Variants in NAALADL2 observed in about 807,000 individuals in gnomAD.
The protein encoded by NAALADL2 is N-acetylated alpha-linked acidic dipeptidase like 2, also known as inactive N-acetylated-alpha-linked acidic dipeptidase-like protein 2.
Under a neutral mutation model 87.2 loss-of-function variants are expected in NAALADL2, and 76 were observed. The observed-to-expected ratio is 0.87, with a 90% CI of 0.72 to 1.05. NAALADL2 has a LOEUF of 1.05. Ranked by LOEUF, NAALADL2 falls within the 50% of genes least tolerant of loss-of-function variation. NAALADL2 has a pLI of 0.00. For missense variants in NAALADL2, 1,089 were observed against 945.8 expected (o/e 1.15, Z -1.99); for synonymous variants, 354 against 331.0 (o/e 1.07, Z -0.75).
chr3:175,362,195 C>G lies in NAALADL2; in HGVS notation c.1090+37870C>G, dbSNP rs1234751030. 1.4e-5 allele frequency among the ~76,000 whole-genome samples: 2 copies of G among 147,938 alleles called. 1 individual carries two copies. The highest frequency in any genetic ancestry group is 4.9e-5 in the African/African-American group (2 of 40,750). ...TGGTTGTAGATGTGTGGTATTATTT[C>G]TGAGGGCTCTGTTCTGTTCCATTGG... is the stretch of plus-strand genomic sequence containing the variant. On this transcript the variant is annotated intron_variant, in intron 5 of 13. Transcript: ENST00000454872.
At chr3:174,732,573 TCA>T (rs1732808548) in intron 2 of NAALADL2, among the ~76,000 whole-genome samples, 1 of 152,152 alleles carries the variant, frequency 6.6e-6, no homozygotes, top group African/African-American at 2.4e-5. Context: ...TTCAAGAGGC[TCA>T]GAGGTGGATC....
intron 5 of NAALADL2, among the ~76,000 whole-genome samples, chr3:175,425,187 T>C (rs531397124): frequency 3.8e-4 from 57 of 151,874 alleles, no homozygotes; most frequent in Non-Finnish European, 5.4e-4. Flanking sequence ...AGTAGAGGAG[T>C]AGAGGAGAAG....
At chr3:174,657,724 T>C (rs1725114593) in intron 2 of NAALADL2, among the ~76,000 whole-genome samples, 1 of 152,200 alleles carries the variant, frequency 6.6e-6, no homozygotes, top group Non-Finnish European at 1.5e-5. Flanking sequence ...TCCAACATTA[T>C]AGTATCTGTC....
At chr3:175,136,159 A>G (rs999559422) in intron 2 of NAALADL2, among the ~76,000 whole-genome samples, 3 of 152,154 alleles carry the variant, frequency 2.0e-5, no homozygotes, top group African/African-American at 7.2e-5. Context: ...CTGGTTTCTG[A>G]AGGAGCCAAT....
rs563613986 is a variant in NAALADL2 at position 175,390,294 on chromosome 3, A to T, written c.1091-56935A>T. Among the ~76,000 whole-genome samples, 3 of 152,318 alleles carry T rather than the reference A, an allele frequency of 2.0e-5. No individual in the cohort carries two copies. The South Asian group carries it at 6.2e-4, about 32-fold the overall frequency. ...CTGTTTTATATTTGGCACATTAGAT[A>T]TAAAGATTTCTTCAAAATTACCTCT... On this transcript the variant is annotated intron_variant, in intron 5 of 13. Transcript: ENST00000454872.
At chr3:174,873,871 C>A (rs948723957) in intron 1 of NAALADL2, among the ~76,000 whole-genome samples, 1 of 151,626 alleles carries the variant, frequency 6.6e-6, no homozygotes, top group African/African-American at 2.4e-5. Context: ...GTAGGTGATA[C>A]CTGCTTCCTC....
At chr3:175,206,582 A>T (rs1740957331) in intron 2 of NAALADL2, among the ~76,000 whole-genome samples, 1 of 151,906 alleles carries the variant, frequency 6.6e-6, no homozygotes, top group Non-Finnish European at 1.5e-5. Flanking sequence ...GGGGCGAAGG[A>T]TAAAGACTAC....
intron 1 of NAALADL2, among the ~76,000 whole-genome samples, chr3:174,922,309 T>TA (rs35627069): frequency 0.026 from 3,547 of 137,832 alleles, 97 homozygotes; most frequent in East Asian, 0.16. Context: ...GACCTTATCT[T>TA]AAAAAAAAAA....
chr3:175,476,992 A>G (rs958364481), intron 9 of NAALADL2, among the ~76,000 whole-genome samples: 8 of 152,160 alleles, frequency 5.3e-5, no homozygotes, highest in Non-Finnish European at 1.0e-4. Flanking sequence ...GGATAAGTCA[A>G]TAGATATTCC....
chr3:175,380,881 C>A (rs1004475877), intron 5 of NAALADL2, among the ~76,000 whole-genome samples: 3 of 151,870 alleles, frequency 2.0e-5, no homozygotes, highest in African/African-American at 7.3e-5. Flanking sequence ...AATTATAAAG[C>A]TTTAAATATT....
At chr3:175,094,973 A>G (rs1720873032) in intron 1 of NAALADL2, among the ~76,000 whole-genome samples, 2 of 152,052 alleles carry the variant, frequency 1.3e-5, no homozygotes, top group African/African-American at 2.4e-5. Context: ...CCTGATGACA[A>G]CACTACAAAG....
chr3:174,880,290 C>G (rs1156495692), intron 1 of NAALADL2, among the ~76,000 whole-genome samples: 1 of 152,058 alleles, frequency 6.6e-6, no homozygotes, highest in Non-Finnish European at 1.5e-5. Context: ...CATTGCACAT[C>G]TCAGTTGGAA....
At chr3:175,413,800 G>A (rs943453251) in intron 5 of NAALADL2, among the ~76,000 whole-genome samples, 2 of 151,666 alleles carry the variant, frequency 1.3e-5, no homozygotes, top group African/African-American at 4.8e-5. Context: ...AGAGAGATGG[G>A]ATAGGTTAAA....
At chr3:174,983,682 G>T (rs1202867372) in intron 1 of NAALADL2, among the ~76,000 whole-genome samples, 2 of 152,018 alleles carry the variant, frequency 1.3e-5, no homozygotes, top group African/African-American at 4.8e-5. Flanking sequence ...AGGTGATTCT[G>T]CCCTCATGAT....
rs961647094 is a variant in NAALADL2, at chr3:175,107,484, T to C, written c.545+10193T>C. 4.0e-5 allele frequency among the ~76,000 whole-genome samples: 6 copies of C among 150,330 alleles called. No homozygotes were observed. In the East Asian group the frequency reaches 1.2e-3, roughly 29 times the overall value. ...CTTTAAAATAAACCAATCTAGCTCT[T>C]TTCATACACAAGCACGAACACACAC... is the stretch of plus-strand genomic sequence containing the variant. On this transcript the variant is annotated intron_variant, in intron 2 of 13. Coordinates refer to ENST00000454872, the MANE Select transcript of NAALADL2 (RefSeq NM_207015.3).
At chr3:175,250,283 GTGTGT>G (rs772218963) in intron 3 of NAALADL2, among the ~76,000 whole-genome samples, 1 of 148,946 alleles carries the variant, frequency 6.7e-6, no homozygotes, top group South Asian at 2.1e-4. Context: ...GTGTGTGTGT[GTGTGT>G]GGTGTGTTTG....
chr3:175,458,641 T>C (rs1409250622), intron 6 of NAALADL2, among the ~76,000 whole-genome samples: 1 of 150,758 alleles, frequency 6.6e-6, no homozygotes, highest in East Asian at 1.9e-4. Context: ...GTTTTATTTA[T>C]CTTTCCATGT....
chr3:175,621,587 T>C (rs1031579361), intron 10 of NAALADL2, among the ~76,000 whole-genome samples: 4 of 152,198 alleles, frequency 2.6e-5, no homozygotes, highest in Non-Finnish European at 2.9e-5. Context: ...CTGCAAGTTC[T>C]GCATCCACAG....
intron 2 of NAALADL2, among the ~76,000 whole-genome samples, chr3:175,156,944 A>C (rs1732417348): frequency 6.6e-6 from 1 of 152,040 alleles, no homozygotes; most frequent in Non-Finnish European, 1.5e-5. Flanking sequence ...TCCATGATGA[A>C]GTTTCTTTAC....
Sources: allele counts gnomAD v4.1 joint callset (sites outside exome capture counted in the v4.1 genomes callset), GRCh38; gene constraint gnomAD v4.1.1; transcripts MANE v1.5; gene names NCBI Gene and HGNC (gene_info 2026-07-23, HGNC 2026-07-21).